ARHGAP22: variants seen among roughly 807,000 people sequenced by gnomAD.
The protein encoded by ARHGAP22 is Rho GTPase activating protein 22.
Under a neutral mutation model 59.1 loss-of-function variants are expected in ARHGAP22, and 48 were observed. The observed-to-expected ratio is 0.81, with a 90% CI of 0.64 to 1.03. The LOEUF (loss-of-function observed/expected upper bound fraction) is 1.03. Ranked by LOEUF, ARHGAP22 falls within the 50% of genes least tolerant of loss-of-function variation. ARHGAP22 has a pLI of 0.00. For synonymous variants in ARHGAP22, 445 were observed against 416.4 expected (o/e 1.07, Z -0.84); for missense variants, 1,015 against 958.7 (o/e 1.06, Z -0.78).
intron 3 of ARHGAP22, among the ~76,000 whole-genome samples, chr10:48,536,818 TCAAAAAAGTGTGAAAA>T (rs2055403571): frequency 6.6e-6 from 1 of 152,148 alleles, no homozygotes. Flanking sequence ...CTATTTCTTG[TCAAAAAAGTGTGAAAA>T]CACTGTGTTG....
chr10:48,442,501 T>C (rs538585664), downstream of ARHGAP22, among the ~76,000 whole-genome samples: 1 of 152,338 alleles, frequency 6.6e-6, no homozygotes, highest in South Asian at 2.1e-4. Context: ...TTTCCCTCGA[T>C]TTGATGTGTC....
intron 6 of ARHGAP22, among the ~76,000 whole-genome samples, 196 bp downstream of exon 6, chr10:48,454,806 G>A (rs1181163196): frequency 4.1e-5 from 6 of 146,912 alleles, no homozygotes; most frequent in South Asian, 2.2e-4. Flanking sequence ...AGCCCTCCCC[G>A]ACCTGAGCAG....
chr10:48,566,191 C>A (rs746585078), intron 2 of ARHGAP22, among the ~76,000 whole-genome samples: 54 of 152,208 alleles, frequency 3.5e-4, no homozygotes, highest in South Asian at 8.3e-4. Context: ...CCTCCACAGG[C>A]AGCATCTTGG....
intron 1 of ARHGAP22, among the ~76,000 whole-genome samples, chr10:48,589,245 T>A (rs1288832910): frequency 6.6e-6 from 1 of 152,130 alleles, no homozygotes; most frequent in African/African-American, 2.4e-5. Flanking sequence ...ACACTATTAA[T>A]CACCCTCTGC....
chr10:48,436,191 T>C, the ARHGAP22 span: 1 of 152,230 alleles, frequency 6.6e-6, no homozygotes, highest in Non-Finnish European at 1.5e-5. Context: ...ATATAGGATA[T>C]CATTTTCTAA....
intron 2 of ARHGAP22, 49 bp downstream of exon 2, chr10:48,582,904 G>A: frequency 1.9e-6 from 3 of 1,599,766 alleles, no homozygotes; most frequent in Non-Finnish European, 2.6e-6. Flanking sequence ...CTTCCCTCTT[G>A]TGGAGCCCTG....
At position 48,504,408 on chromosome 10, in the gene ARHGAP22, A is replaced by G. The variant is rs149740723; in HGVS notation, c.323-24644T>C. ...GGTGTGTGGGTGAACAAGGGAGACA[A>G]GGCCCCCGCTCTCCTGGAGAACCAG... On this transcript the variant is annotated intron_variant, in intron 3 of 9. Coordinates refer to ENST00000249601, the MANE Select transcript of ARHGAP22 (RefSeq NM_021226.4). Among the ~76,000 whole-genome samples the G allele has an allele frequency of 2.3e-3, 343 of 152,258 alleles. 3 individuals carry two copies. The East Asian group carries it at 0.029, about 13-fold the overall frequency.
intron 4 of ARHGAP22, among the ~76,000 whole-genome samples, chr10:48,470,392 C>CA (rs752416523): frequency 6.6e-5 from 10 of 152,174 alleles, no homozygotes; most frequent in Admixed American, 2.0e-4. Context: ...GTGGCTGTCC[C>CA]ATCAGCAGGG....
intron 3 of ARHGAP22, chr10:48,493,578 T>C: frequency 1.3e-6 from 2 of 1,506,604 alleles, no homozygotes; most frequent in South Asian, 2.5e-5. Flanking sequence ...CACGAGGCAC[T>C]CCTCCACTGC....
chr10:48,438,267 C>T, the ARHGAP22 span: 1 of 152,198 alleles, frequency 6.6e-6, no homozygotes, highest in Admixed American at 6.5e-5. Context: ...CTCTCCGTAT[C>T]CTGTTGCATT....
chr10:48,519,415 G>C (rs1455906365), intron 3 of ARHGAP22, among the ~76,000 whole-genome samples: 1 of 152,232 alleles, frequency 6.6e-6, no homozygotes, highest in African/African-American at 2.4e-5. Context: ...CATGCCCAGA[G>C]CTCATCTATT....
intron 5 of ARHGAP22, among the ~76,000 whole-genome samples, chr10:48,458,538 G>A (rs2046809169): frequency 6.6e-6 from 1 of 152,172 alleles, no homozygotes; most frequent in African/African-American, 2.4e-5. Flanking sequence ...TTGAGTAGGG[G>A]AGTGGCAAGG....
intron 1 of ARHGAP22, among the ~76,000 whole-genome samples, chr10:48,643,630 C>T (rs943358310): frequency 6.6e-6 from 1 of 151,366 alleles, no homozygotes; most frequent in Admixed American, 6.6e-5. Flanking sequence ...GGAGGGAGAG[C>T]ATTAGGAGAT....
At position 48,453,309 on chromosome 10, in the gene ARHGAP22, A is replaced by G. The variant is rs1475093966; in HGVS notation, c.983T>C (p.Met328Thr). ...CAGGTACACCTCCCACTTACCTTCC[A>G]TGATGGTTACTGGGTCCTCTACCTG... ...RPQVEDPVTI[M>T]EGTSLVQHLM... The change falls in exon 8 of 10, where the codon ATG (methionine) becomes ACG (threonine). Residue 328 changes from methionine to threonine, a missense_variant. Coordinates refer to ENST00000249601, the MANE Select transcript of ARHGAP22 (RefSeq NM_021226.4). 4 of 1,613,678 alleles carry G rather than the reference A, an allele frequency of 2.5e-6. No homozygotes were observed. Among genetic ancestry groups the G allele is most frequent in the East Asian group, 2.2e-5 (1 of 44,880 alleles).
At chr10:48,443,686 G>C (rs988671283), downstream of ARHGAP22, 1 of 152,092 alleles carries the variant, frequency 6.6e-6, no homozygotes, top group African/African-American at 2.4e-5. Context: ...GCATCAAAAG[G>C]AGAAGGAGAG....
chr10:48,458,433 G>A (rs547388660), intron 5 of ARHGAP22, among the ~76,000 whole-genome samples: 1 of 152,184 alleles, frequency 6.6e-6, no homozygotes, highest in East Asian at 1.9e-4. Flanking sequence ...GAGCAGGTGT[G>A]CCCAGGTGGA....
chr10:48,450,795 C>G lies in ARHGAP22; in HGVS notation c.1334G>C (p.Gly445Ala). 6.4e-7 allele frequency: 1 copy of G among 1,572,104 alleles called. No individual in the cohort carries two copies. The highest frequency in any genetic ancestry group is 8.6e-7 in the Non-Finnish European group (1 of 1,159,422). ...GATGGGCACCTCCAGGGATGAGCCGCCCCCCTTCGGGCTTCCCGATAGGGA... is the reference window on the plus strand; with the variant it reads ...GATGGGCACCTCCAGGGATGAGCCGGCCCCCTTCGGGCTTCCCGATAGGGA... ...PRSLSGSPKGGGSSLEVPIIS... is the reference protein window; with the variant it reads ...PRSLSGSPKGAGSSLEVPIIS... The change falls in exon 9 of 10, where the codon GGC becomes GCC. Residue 445 changes from glycine to alanine, a missense_variant. Coordinates refer to ENST00000249601, the MANE Select transcript of ARHGAP22 (RefSeq NM_021226.4).
chr10:48,593,358 A>T (rs933141249), intron 1 of ARHGAP22, among the ~76,000 whole-genome samples: 4 of 152,208 alleles, frequency 2.6e-5, no homozygotes, highest in Admixed American at 6.5e-5. Flanking sequence ...CAAGCCAGGG[A>T]TATATTCTTA....
chr10:48,515,044 C>A (rs752621158), intron 3 of ARHGAP22, among the ~76,000 whole-genome samples: 2 of 152,052 alleles, frequency 1.3e-5, no homozygotes, highest in African/African-American at 2.4e-5. Flanking sequence ...AAAGATATAA[C>A]ATGTATAGAA....
Sources: gnomAD v4.1 joint callset for allele counts (sites outside exome capture counted in the v4.1 genomes callset) on GRCh38, gnomAD v4.1.1 for gene constraint, MANE v1.5 for transcripts, NCBI Gene and HGNC (gene_info 2026-07-23, HGNC 2026-07-21) for gene names.